Variants in COL5A2 observed in about 807,000 individuals in gnomAD.
COL5A2 encodes collagen type V alpha 2 chain, also known as collagen alpha-2(V) chain.
In COL5A2, 23 loss-of-function variants were observed where a neutral mutation model predicts 208.2. The ratio of observed to expected loss-of-function variants is 0.11; its 90% confidence interval spans 0.08 to 0.16. The LOEUF (loss-of-function observed/expected upper bound fraction) is 0.16. Ranked by LOEUF, COL5A2 falls within the 10% of genes least tolerant of loss-of-function variation. The probability of loss-of-function intolerance (pLI) is 1.00; values close to 1 mark genes in which losing one functional copy is unlikely to be tolerated. For missense variants in COL5A2, 1,590 were observed against 1,956.4 expected, an observed-to-expected ratio of 0.81 and a Z score of 3.53; for synonymous variants, 625 against 628.5, an observed-to-expected ratio of 0.99 and a Z score of 0.08.
At chr2:189,315,453 AT>A in the COL5A2 span, among the ~76,000 whole-genome samples, 1 of 152,220 alleles carries the variant, frequency 6.6e-6, no homozygotes, top group Non-Finnish European at 1.5e-5. Flanking sequence ...AGAACCATAT[AT>A]GACAAACCCA....
At chr2:189,182,193 C>A (rs1359450439), upstream of COL5A2, among the ~76,000 whole-genome samples, 1 of 152,154 alleles carries the variant, frequency 6.6e-6, no homozygotes. Flanking sequence ...CCTTAAAGAA[C>A]TGATTATAGA....
chr2:189,262,828 A>T, the COL5A2 span, among the ~76,000 whole-genome samples: 1 of 152,148 alleles, frequency 6.6e-6, no homozygotes, highest in African/African-American at 2.4e-5. Flanking sequence ...TCTCATTATC[A>T]ACCAATATGG....
chr2:189,336,747 T>C, the COL5A2 span, among the ~76,000 whole-genome samples: 2 of 152,166 alleles, frequency 1.3e-5, no homozygotes, highest in South Asian at 4.1e-4. Context: ...TTCTGGGTGA[T>C]GGAACTGTTA....
At position 189,064,659 on chromosome 2, in the gene COL5A2, TA is replaced by T; in HGVS notation, c.1618-5del. On this transcript the variant is annotated splice_region_variant and splice_polypyrimidine_tract_variant and intron_variant, in intron 24 of 53. Coordinates refer to ENST00000374866, the MANE Select transcript of COL5A2 (RefSeq NM_000393.5). The stretch of plus-strand genomic sequence containing the variant: ...GACCCCGTTCTCCTTGAGCACCCTG[TA>T]CCGAGGCAAAGCAGATGCATGAAGA... 6.2e-7 allele frequency: 1 copy of T among 1,602,352 alleles called. No homozygotes were observed.
intron 18 of COL5A2, among the ~76,000 whole-genome samples, chr2:189,070,499 A>G (rs1041808796): frequency 1.6e-4 from 24 of 152,200 alleles, no homozygotes; most frequent in African/African-American, 4.1e-4. Flanking sequence ...TTTCTAACAG[A>G]AACAGTTTTG....
chr2:189,389,407 C>T, the COL5A2 span, among the ~76,000 whole-genome samples: 1 of 152,270 alleles, frequency 6.6e-6, no homozygotes, highest in East Asian at 1.9e-4. Flanking sequence ...ACATTTGATT[C>T]ATCCTACCAA....
intron 1 of COL5A2, among the ~76,000 whole-genome samples, chr2:189,121,753 A>AAAAG (rs1687506271): frequency 1.3e-5 from 2 of 151,484 alleles, no homozygotes; most frequent in African/African-American, 4.8e-5. Context: ...AAAAAAAAAA[A>AAAAG]AAAAAAGCAT....
chr2:189,058,642 T>A, intron 32 of COL5A2, 115 bp from the exon 33 acceptor site: 1 of 1,023,328 alleles, frequency 9.8e-7, no homozygotes, highest in Admixed American at 2.0e-5. Flanking sequence ...CATTACTAAA[T>A]CTCAATTTTC....
At chr2:189,114,631 TAA>T (rs1184564981) in intron 1 of COL5A2, among the ~76,000 whole-genome samples, 5 of 122,956 alleles carry the variant, frequency 4.1e-5, no homozygotes, top group African/African-American at 1.2e-4. Context: ...GCCCAGGACT[TAA>T]AAAAAAAAAA....
the COL5A2 span, among the ~76,000 whole-genome samples, chr2:189,394,129 C>G: frequency 6.6e-6 from 1 of 152,034 alleles, no homozygotes; most frequent in Non-Finnish European, 1.5e-5. Context: ...TGTATTCTTT[C>G]CAAGGGACTA....
chr2:189,057,501 T>A (rs909172265), intron 33 of COL5A2, 74 bp from the exon 34 acceptor site: 2 of 1,088,398 alleles, frequency 1.8e-6, no homozygotes, highest in Non-Finnish European at 2.8e-6. Flanking sequence ...TTTTAGTGGG[T>A]CAAAAGTAGT....
chr2:189,244,182 A>G, the COL5A2 span, among the ~76,000 whole-genome samples: 1 of 152,214 alleles, frequency 6.6e-6, no homozygotes, highest in Non-Finnish European at 1.5e-5. Context: ...GCTCCTCATT[A>G]CTTATGCAAA....
chr2:189,325,692 A>C, the COL5A2 span, among the ~76,000 whole-genome samples: 1 of 152,348 alleles, frequency 6.6e-6, no homozygotes, highest in Non-Finnish European at 1.5e-5. Flanking sequence ...AAATGTACTT[A>C]TACTTTCACT....
intron 49 of COL5A2, among the ~76,000 whole-genome samples, chr2:189,042,230 T>C (rs1685577139): frequency 6.6e-6 from 1 of 152,218 alleles, no homozygotes; most frequent in South Asian, 2.1e-4. Flanking sequence ...AATGACTTAT[T>C]ACAAGCAACA....
chr2:189,274,431 C>G, the COL5A2 span, among the ~76,000 whole-genome samples: 1 of 152,284 alleles, frequency 6.6e-6, no homozygotes, highest in Non-Finnish European at 1.5e-5. Context: ...GTTCTGTCTT[C>G]TCCTAACCTT....
the COL5A2 span, among the ~76,000 whole-genome samples, chr2:189,325,148 C>T: frequency 6.6e-6 from 1 of 151,644 alleles, no homozygotes; most frequent in Non-Finnish European, 1.5e-5. Context: ...AGGGGAACAT[C>T]ACACACTGGG....
intron 16 of COL5A2, among the ~76,000 whole-genome samples, chr2:189,076,161 T>C (rs1686400846): frequency 6.6e-6 from 1 of 152,168 alleles, no homozygotes; most frequent in Non-Finnish European, 1.5e-5. Flanking sequence ...CCTTCAAAAA[T>C]ACAGTTTCTA....
chr2:189,426,368 G>A, the COL5A2 span, among the ~76,000 whole-genome samples: 1,950 of 152,242 alleles, frequency 0.013, 52 homozygotes, highest in African/African-American at 0.044. Flanking sequence ...CATCCTTTGG[G>A]GAGGCTAATC....
At chr2:189,163,742 G>A (rs1304609450) in intron 1 of COL5A2, among the ~76,000 whole-genome samples, 1 of 152,222 alleles carries the variant, frequency 6.6e-6, no homozygotes, top group Non-Finnish European at 1.5e-5. Flanking sequence ...CTTAAGTGAA[G>A]TACCTTTATC....
Sources: allele counts gnomAD v4.1 joint callset (sites outside exome capture counted in the v4.1 genomes callset), GRCh38; gene constraint gnomAD v4.1.1; transcripts MANE v1.5; gene names NCBI Gene and HGNC (gene_info 2026-07-23, HGNC 2026-07-21).